Variants in SAMD4A observed in about 807,000 individuals in gnomAD.
SAMD4A encodes the protein protein Smaug homolog 1.
A neutral mutation model predicts 81.3 loss-of-function variants in SAMD4A; 33 were observed. The observed-to-expected ratio is 0.41, with a 90% CI of 0.31 to 0.54. The LOEUF is 0.54. Ranked by LOEUF, SAMD4A falls within the 20% of genes least tolerant of loss-of-function variation. SAMD4A has a pLI of 0.37. For missense variants in SAMD4A, 854 were observed against 951.1 expected, an observed-to-expected ratio of 0.90 and a Z score of 1.34; for synonymous variants, 389 against 382.1, an observed-to-expected ratio of 1.02 and a Z score of -0.21.
intron 2 of SAMD4A, among the ~76,000 whole-genome samples, chr14:54,670,776 G>A (rs2035864016): frequency 1.3e-5 from 2 of 152,214 alleles, no homozygotes; most frequent in African/African-American, 2.4e-5. Context: ...CTTAACTGCT[G>A]TTGCCTCCCA....
chr14:54,588,177 G>A (rs2033676877), intron 2 of SAMD4A, among the ~76,000 whole-genome samples: 1 of 152,016 alleles, frequency 6.6e-6, no homozygotes, highest in African/African-American at 2.4e-5. Flanking sequence ...GCCTGTAAAG[G>A]TGTTCATAAC....
intron 2 of SAMD4A, among the ~76,000 whole-genome samples, chr14:54,621,707 A>G (rs1831578309): frequency 6.6e-6 from 1 of 152,150 alleles, no homozygotes; most frequent in Non-Finnish European, 1.5e-5. Flanking sequence ...ATTCTAGACC[A>G]GATTCTTTCT....
chr14:54,749,034 C>T, intron 5 of SAMD4A, 110 bp downstream of exon 5: 4 of 722,248 alleles, frequency 5.5e-6, no homozygotes, highest in Non-Finnish European at 9.4e-6. Flanking sequence ...CAGTAGCTTG[C>T]CCTGTGCTGG....
intron 2 of SAMD4A, among the ~76,000 whole-genome samples, chr14:54,678,941 A>G (rs1285336103): frequency 6.6e-6 from 1 of 152,176 alleles, no homozygotes; most frequent in African/African-American, 2.4e-5. Flanking sequence ...TCCAAACTTC[A>G]TTCAAATGCC....
At chr14:54,650,050 A>G (rs1463453485) in intron 2 of SAMD4A, among the ~76,000 whole-genome samples, 5 of 152,242 alleles carry the variant, frequency 3.3e-5, no homozygotes, top group African/African-American at 9.6e-5. Context: ...GAAGAACCGT[A>G]AGGGAATACA....
At chr14:54,784,184 G>C in intron 11 of SAMD4A, 1 of 630,188 alleles carries the variant, frequency 1.6e-6, no homozygotes, top group Non-Finnish European at 2.9e-6. Flanking sequence ...AGCTGTATGA[G>C]GGTACAGAGA....
intron 2 of SAMD4A, among the ~76,000 whole-genome samples, chr14:54,665,814 C>G (rs1393211840): frequency 6.6e-6 from 1 of 152,194 alleles, no homozygotes; most frequent in Non-Finnish European, 1.5e-5. Context: ...AAACCCAGAA[C>G]AGATAAGATA....
rs180914011 is a variant in SAMD4A at position 54,770,884 on chromosome 14, G to C, written c.1715+662G>C. On this transcript the variant is annotated intron_variant, in intron 9 of 12. Coordinates refer to ENST00000554335, the MANE Select transcript of SAMD4A (RefSeq NM_015589.6). Reference sequence around the variant, plus strand: ...TGGGAGAAATTAAGGGTAGAGGAAGGGTTAAGCCTTAAACAATGATAGGGA... The same window carrying C: ...TGGGAGAAATTAAGGGTAGAGGAAGCGTTAAGCCTTAAACAATGATAGGGA... Among the ~76,000 whole-genome samples the C allele has an allele frequency of 2.6e-5, 4 of 152,284 alleles. No homozygotes were observed. The East Asian group carries it at 7.7e-4, about 29-fold the overall frequency.
intron 2 of SAMD4A, among the ~76,000 whole-genome samples, chr14:54,609,344 A>C (rs2034299059): frequency 6.6e-6 from 1 of 152,240 alleles, no homozygotes. Context: ...AGGCAAGGAA[A>C]GAGATTCTCC....
chr14:54,786,918 TCTC>T (rs980278756), intron 12 of SAMD4A, among the ~76,000 whole-genome samples: 8 of 152,188 alleles, frequency 5.3e-5, no homozygotes, highest in Non-Finnish European at 1.0e-4. Context: ...TTCCCAATGA[TCTC>T]CTCTGGTGGG....
chr14:54,698,987 G>T (rs2036643472), intron 2 of SAMD4A, among the ~76,000 whole-genome samples: 2 of 151,518 alleles, frequency 1.3e-5, no homozygotes. Flanking sequence ...TCAGGGAAAT[G>T]ACCTAGCAGA....
intron 2 of SAMD4A, among the ~76,000 whole-genome samples, chr14:54,597,757 T>G (rs2033951031): frequency 6.6e-6 from 1 of 151,806 alleles, no homozygotes; most frequent in South Asian, 2.1e-4. Flanking sequence ...GCCTGGCTAA[T>G]TTTTGTATTT....
Position 54,700,991 on chromosome 14 carries a change from GA to G in SAMD4A, c.197-1069del, listed in dbSNP as rs376134301. 8.7e-3 allele frequency: 1,182 copies of G among 136,136 alleles called. 59 individuals carry two copies. Among genetic ancestry groups the G allele is most frequent in the African/African-American group, 0.015 (583 of 37,710 alleles). The allele number at this position is 136,136 out of a possible 1,614,324, so 8.4% of individuals were successfully genotyped here. A position where few individuals can be genotyped will look rare whatever the true frequency, so the allele number is the denominator to read the frequency against. ...TAGTTGCACACCACTGTGAAACGGT[GA>G]ATTTTTTTTTTTTTTTTTTTTTTGA... On this transcript the variant is annotated intron_variant, in intron 2 of 12. Coordinates refer to ENST00000554335, the MANE Select transcript of SAMD4A (RefSeq NM_015589.6).
chr14:54,712,276 G>A (rs916172041), intron 3 of SAMD4A, among the ~76,000 whole-genome samples: 9 of 151,946 alleles, frequency 5.9e-5, no homozygotes, highest in African/African-American at 1.9e-4. Flanking sequence ...TTCTTTCTCG[G>A]TGGAAAATTT....
intron 2 of SAMD4A, among the ~76,000 whole-genome samples, chr14:54,596,861 G>T (rs1407759603): frequency 6.6e-6 from 1 of 152,104 alleles, no homozygotes; most frequent in Non-Finnish European, 1.5e-5. Context: ...GGGGGAGGGG[G>T]TAAATGCAGA....
intron 2 of SAMD4A, among the ~76,000 whole-genome samples, chr14:54,665,492 C>T (rs765124964): frequency 5.9e-5 from 9 of 152,354 alleles, no homozygotes; most frequent in Non-Finnish European, 1.2e-4. Flanking sequence ...CTGATGGCTA[C>T]TGGATTAACT....
At chr14:54,785,147 C>T (rs547311541) in intron 12 of SAMD4A, among the ~76,000 whole-genome samples, 12 of 152,278 alleles carry the variant, frequency 7.9e-5, no homozygotes, top group Non-Finnish European at 1.2e-4. Context: ...TTTCTTGACA[C>T]CTGGAGCCCA....
intron 8 of SAMD4A, among the ~76,000 whole-genome samples, chr14:54,766,333 G>A (rs572802991): frequency 8.1e-4 from 122 of 151,518 alleles, no homozygotes; most frequent in African/African-American, 2.9e-3. Flanking sequence ...GAGCACCTAG[G>A]CAGGTTACAG....
chr14:54,620,262 C>A (rs955369901), intron 2 of SAMD4A, among the ~76,000 whole-genome samples: 2 of 152,154 alleles, frequency 1.3e-5, no homozygotes, highest in African/African-American at 4.8e-5. Context: ...GTGTCAGTAA[C>A]CCCCTCATAG....
Sources: allele counts gnomAD v4.1 joint callset (sites outside exome capture counted in the v4.1 genomes callset), GRCh38; gene constraint gnomAD v4.1.1; transcripts MANE v1.5; gene names NCBI Gene and HGNC (gene_info 2026-07-23, HGNC 2026-07-21).